Variants in LONP2 observed in about 807,000 individuals in gnomAD.
LONP2 encodes lon peptidase 2, peroxisomal, also known as lon protease homolog 2, peroxisomal.
In LONP2, 60 loss-of-function variants were observed where a neutral mutation model predicts 85.6. The ratio of observed to expected loss-of-function variants is 0.70; its 90% confidence interval spans 0.57 to 0.87. The LOEUF (loss-of-function observed/expected upper bound fraction) is 0.87, where lower values mean the gene tolerates loss of function less well. LONP2 is among the 40% of genes least tolerant of loss of function. The pLI, the probability that LONP2 is intolerant of heterozygous loss-of-function variation, is 0.00. For synonymous variants in LONP2, 395 were observed against 389.7 expected, an observed-to-expected ratio of 1.01 and a Z score of -0.16; for missense variants, 860 against 1,063.5, an observed-to-expected ratio of 0.81 and a Z score of 2.66.
intron 8 of LONP2, among the ~76,000 whole-genome samples, chr16:48,286,140 A>C (rs1190510604): frequency 6.9e-6 from 1 of 145,148 alleles, no homozygotes; most frequent in Non-Finnish European, 1.5e-5. Flanking sequence ...CTGATTTGTA[A>C]TCTTTTTTTT....
chr16:48,249,863 C>G (rs764898846), intron 1 of LONP2, among the ~76,000 whole-genome samples: 2 of 152,140 alleles, frequency 1.3e-5, no homozygotes, highest in African/African-American at 4.8e-5. Context: ...GAACATCTTC[C>G]TTTCACAGCA....
intron 11 of LONP2, among the ~76,000 whole-genome samples, chr16:48,323,092 A>T (rs1234159376): frequency 6.6e-6 from 1 of 152,224 alleles, no homozygotes. Context: ...AGAGAAAATA[A>T]TGTGTAGTCT....
chr16:48,258,684 G>A lies in LONP2; in HGVS notation c.667G>A (p.Glu223Lys). ...MTIPLLVRQI[E>K]GLKLLQKTRK... is the part of the protein sequence containing the mutation. ...TATACCACTGCTTGTCAGACAAATT[G>A]AAGGCCTGAAATTGCTTCAAAAAAC... Residue 223 changes from glutamate (E) to lysine (K), a missense_variant, in exon 4 of 15, where the codon GAA (glutamate) becomes AAA (lysine). This residue lies in a region of LONP2 where 743 missense variants were observed against 917.3 expected (regional missense o/e 0.81). Coordinates refer to ENST00000285737, the MANE Select transcript of LONP2 (RefSeq NM_031490.5). 6.2e-7 allele frequency: 1 copy of A among 1,612,012 alleles called. No homozygotes were observed. Among genetic ancestry groups the A allele is most frequent in the Non-Finnish European group, 8.5e-7 (1 of 1,179,216 alleles).
chr16:48,248,260 T>C (rs1971514360), intron 1 of LONP2, among the ~76,000 whole-genome samples: 1 of 151,774 alleles, frequency 6.6e-6, no homozygotes, highest in Admixed American at 6.6e-5. Context: ...TGTCTGGGAT[T>C]ACAGGCATGT....
At chr16:48,340,684 G>A (rs1004205687) in intron 12 of LONP2, among the ~76,000 whole-genome samples, 1 of 152,188 alleles carries the variant, frequency 6.6e-6, no homozygotes, top group Admixed American at 6.5e-5. Context: ...CTGAAACCAG[G>A]CACAGTGGCT....
At chr16:48,332,456 A>G (rs1340894217) in intron 11 of LONP2, among the ~76,000 whole-genome samples, 1 of 152,142 alleles carries the variant, frequency 6.6e-6, no homozygotes, top group African/African-American at 2.4e-5. Context: ...TCACACCTGT[A>G]ATCCCAGCAG....
intron 9 of LONP2, among the ~76,000 whole-genome samples, chr16:48,296,526 G>C (rs749003758): frequency 6.6e-6 from 1 of 152,042 alleles, no homozygotes; most frequent in Non-Finnish European, 1.5e-5. Context: ...TCAGGAATTC[G>C]AGACCAGCCT....
intron 8 of LONP2, among the ~76,000 whole-genome samples, chr16:48,285,755 TC>T (rs1972426670): frequency 6.6e-6 from 1 of 152,200 alleles, no homozygotes; most frequent in African/African-American, 2.4e-5. Context: ...TTCCTGTAAT[TC>T]TTTAGACATG....
intron 11 of LONP2, among the ~76,000 whole-genome samples, chr16:48,320,540 A>T (rs1263891918): frequency 6.6e-6 from 1 of 152,068 alleles, no homozygotes; most frequent in Non-Finnish European, 1.5e-5. Context: ...AAAAAAAAAA[A>T]TAGATCTAGA....
downstream of LONP2, chr16:48,360,749 T>C (rs934139351): frequency 1.3e-5 from 2 of 152,638 alleles, no homozygotes; most frequent in African/African-American, 4.8e-5. Flanking sequence ...TTTGCAGTAT[T>C]TATAAAAATC....
chr16:48,272,475 ATGCTTT>A (rs111448043), intron 7 of LONP2, among the ~76,000 whole-genome samples: 2,084 of 152,256 alleles, frequency 0.014, 48 homozygotes, highest in African/African-American at 0.047. Flanking sequence ...TCAAGTGAAT[ATGCTTT>A]TGTGTATGTG....
At chr16:48,346,421 A>G (rs11076565) in intron 12 of LONP2, among the ~76,000 whole-genome samples, 24,301 of 152,088 alleles carry the variant, frequency 0.16, 2,128 homozygotes, top group Middle Eastern at 0.27. Context: ...TGGCCCATCA[A>G]CTATGCTCCT....
At chr16:48,264,001 G>T (rs113261420) in intron 6 of LONP2, among the ~76,000 whole-genome samples, 2,079 of 152,286 alleles carry the variant, frequency 0.014, 47 homozygotes, top group African/African-American at 0.047. Context: ...TTTTCAAAAG[G>T]GGAGGGAGTG....
chr16:48,321,130 C>A (rs537110695), intron 11 of LONP2, among the ~76,000 whole-genome samples: 2 of 152,298 alleles, frequency 1.3e-5, no homozygotes, highest in South Asian at 4.1e-4. Context: ...AGAAATCCAC[C>A]TGTCTCAGCC....
At chr16:48,322,398 A>T (rs1466717606) in intron 11 of LONP2, among the ~76,000 whole-genome samples, 2 of 152,174 alleles carry the variant, frequency 1.3e-5, no homozygotes, top group African/African-American at 4.8e-5. Context: ...CCCAGTCCTG[A>T]ACTAGGTCAG....
At chr16:48,318,594 C>T (rs1973195492) in intron 11 of LONP2, among the ~76,000 whole-genome samples, 1 of 152,190 alleles carries the variant, frequency 6.6e-6, no homozygotes, top group Non-Finnish European at 1.5e-5. Flanking sequence ...CATTCATTGA[C>T]TTTCATTCTC....
Position 48,362,662 on chromosome 16 carries a change from C to T in LONP2, c.*799C>T. On this transcript the variant is annotated 3_prime_UTR_variant, in exon 5 of 5. Coordinates refer to the LONP2 transcript ENST00000565867. The surrounding 1 kb of genome is among the most constrained non-coding windows in gnomAD (Gnocchi z 4.2). Reference sequence around the variant, plus strand: ...TCTCTTTTCAAAATGTTCCGGAAAACATGTGGAACTCCCTTAATCGTCTTT... The same window carrying T: ...TCTCTTTTCAAAATGTTCCGGAAAATATGTGGAACTCCCTTAATCGTCTTT... 1.0e-5 allele frequency: 5 copies of T among 490,146 alleles called. No homozygotes were observed. Among genetic ancestry groups the T allele is most frequent in the South Asian group, 9.9e-5 (4 of 40,470 alleles). 30.4% of individuals were successfully genotyped at this position (490,146 alleles called of 1,614,324 possible). A position where few individuals can be genotyped will look rare whatever the true frequency, so the allele number is the denominator to read the frequency against.
chr16:48,277,286 G>T (rs371627542), intron 7 of LONP2, 52 bp from the exon 8 acceptor site: 2 of 1,573,120 alleles, frequency 1.3e-6, no homozygotes, highest in Non-Finnish European at 1.7e-6. Flanking sequence ...GAATGGCGTC[G>T]CTCCTGCCTC....
chr16:48,256,853 A>G, intron 3 of LONP2, 112 bp downstream of exon 3: 2 of 954,390 alleles, frequency 2.1e-6, no homozygotes, highest in Non-Finnish European at 3.1e-6. Context: ...ACCCAAAGTA[A>G]TTGAAATGCT....
Sources: gnomAD v4.1 joint callset for allele counts (sites outside exome capture counted in the v4.1 genomes callset) on GRCh38, gnomAD v4.1.1 for gene constraint, gnomAD v4.1.1 regional missense constraint, Gnocchi (gnomAD v3.1) non-coding constraint, MANE v1.5 for transcripts, NCBI Gene and HGNC (gene_info 2026-07-23, HGNC 2026-07-21) for gene names.